Variants in JAKMIP3 observed in about 807,000 individuals in gnomAD.
JAKMIP3 encodes janus kinase and microtubule-interacting protein 3.
A neutral mutation model predicts 118.5 loss-of-function variants in JAKMIP3; 58 were observed. That is an observed-to-expected ratio of 0.49 (90% CI 0.40 to 0.61). The LOEUF (loss-of-function observed/expected upper bound fraction) is 0.61, where lower values mean the gene tolerates loss of function less well. Ranked by LOEUF, JAKMIP3 falls within the 20% of genes least tolerant of loss-of-function variation. JAKMIP3 has a pLI of 0.00. For synonymous variants in JAKMIP3, 486 were observed against 451.2 expected (o/e 1.08, Z -0.98); for missense variants, 950 against 1,109.0 (o/e 0.86, Z 2.04).
chr10:132,057,494 C>T (rs981872734), intron 1 of JAKMIP3, among the ~76,000 whole-genome samples: 1 of 152,310 alleles, frequency 6.6e-6, no homozygotes, highest in Middle Eastern at 3.4e-3. Flanking sequence ...ATGTGGGATG[C>T]TCACAGGACA....
intron 16 of JAKMIP3, among the ~76,000 whole-genome samples, chr10:132,150,872 C>T (rs555315493): frequency 5.3e-5 from 8 of 152,258 alleles, no homozygotes; most frequent in South Asian, 4.1e-4. Flanking sequence ...ATCCATCCTT[C>T]ATCCTTCATC....
rs1288069151 is a variant in JAKMIP3, at chr10:132,172,966, C to CCTCTCT, written c.*1103+3937_*1103+3942dup. Among the ~76,000 whole-genome samples the CCTCTCT allele has an allele frequency of 2.5e-5, 3 of 119,860 alleles. 1 individual carries two copies. The highest frequency in any genetic ancestry group is 7.2e-5 in the African/African-American group (2 of 27,684). 78.6% of individuals were successfully genotyped at this position (119,860 alleles called of 152,430 possible). A position where few individuals can be genotyped will look rare whatever the true frequency, so the allele number is the denominator to read the frequency against. ...CTCTACTTCCTTCTCTCTCTCCTTC[C>CCTCTCT]CTCTCTCTCCTTCCCTCTCTCTCTC... On this transcript the variant is annotated intron_variant, in intron 23 of 23. Transcript: ENST00000684848.
chr10:132,143,543 T>C lies in JAKMIP3; in HGVS notation c.1602+1495T>C, dbSNP rs145168573. Among the ~76,000 whole-genome samples, 681 of 140,050 alleles carry C rather than the reference T, an allele frequency of 4.9e-3. 8 individuals carry two copies. The highest frequency in any genetic ancestry group is 0.016 in the African/African-American group (641 of 40,458). 91.9% of individuals were successfully genotyped at this position (140,050 alleles called of 152,430 possible). ...AGAGAGTAAAAATGTCCAAACTGCA[T>C]GTAAAAAAAAGTTTAATGTCATTTA... On this transcript the variant is annotated intron_variant, in intron 11 of 23. Transcript: ENST00000684848.
intron 1 of JAKMIP3, among the ~76,000 whole-genome samples, chr10:132,104,396 T>C (rs889445282): frequency 1.3e-5 from 2 of 152,200 alleles, no homozygotes; most frequent in Non-Finnish European, 2.9e-5. Context: ...CTCTGATTCC[T>C]AAGAGGGAAA....
intron 3 of JAKMIP3, among the ~76,000 whole-genome samples, chr10:132,129,982 G>A (rs2050270647): frequency 6.6e-6 from 1 of 150,402 alleles, no homozygotes; most frequent in Non-Finnish European, 1.5e-5. Context: ...TCCCATGATT[G>A]AGGGGGACCT....
At chr10:132,145,022 G>C (rs1018914520) in intron 11 of JAKMIP3, 85 bp from the exon 12 acceptor site, 44 of 1,105,886 alleles carry the variant, frequency 4.0e-5, no homozygotes, top group Non-Finnish European at 5.2e-5. Context: ...CCAAAAGACA[G>C]ACCCTTCTGA....
chr10:132,171,134 G>C (rs2059446430), intron 23 of JAKMIP3, among the ~76,000 whole-genome samples: 1 of 152,258 alleles, frequency 6.6e-6, no homozygotes, highest in Non-Finnish European at 1.5e-5. Flanking sequence ...CCTTGGGGGA[G>C]GTTACGGAGC....
At chr10:132,137,624 C>T (rs2052095276) in intron 8 of JAKMIP3, among the ~76,000 whole-genome samples, 1 of 152,244 alleles carries the variant, frequency 6.6e-6, no homozygotes, top group Non-Finnish European at 1.5e-5. Context: ...CTGGCCAGCA[C>T]AGACAGGCAG....
rs577455597 is a variant in JAKMIP3 at position 132,179,690 on chromosome 10, C to T, written c.*1104-2667C>T. 5.3e-5 allele frequency among the ~76,000 whole-genome samples: 8 copies of T among 152,130 alleles called. No homozygotes were observed. The South Asian group carries it at 1.7e-3, about 32-fold the overall frequency. ...GCTAGGATTCACAGGACTCAGCACA[C>T]AGTCACACCACAGCAGGGCCACACC... is the stretch of plus-strand genomic sequence containing the variant. On this transcript the variant is annotated intron_variant, in intron 23 of 23. Transcript: ENST00000684848. This position sits in a 1 kb window ranked among gnomAD's most constrained non-coding sequence, Gnocchi z 4.3.
chr10:132,076,700 C>T lies in JAKMIP3; in HGVS notation c.-138+10639C>T, dbSNP rs902253198. ...CATGAGGACTGGCCTGCGGTGGCCC[C>T]GGGTCTTACCGTGTGAGGACTGGCC... On this transcript the variant is annotated intron_variant, in intron 1 of 23. Transcript: ENST00000684848. Among the ~76,000 whole-genome samples, 11 of 150,558 alleles carry T rather than the reference C, an allele frequency of 7.3e-5. No individual in the cohort carries two copies. In the South Asian group the frequency reaches 8.4e-4, roughly 12 times the overall value.
chr10:132,153,006 C>T lies in JAKMIP3; in HGVS notation c.2056C>T (p.Leu686=), dbSNP rs146195956. 3.7e-6 allele frequency: 6 copies of T among 1,608,596 alleles called. No homozygotes were observed. In the African/African-American group the frequency reaches 8.0e-5, roughly 21 times the overall value. The change falls in exon 17 of 24, where the codon CTG becomes TTG. Residue 686 remains leucine (L), a synonymous_variant. Coordinates refer to ENST00000684848, the MANE Select transcript of JAKMIP3 (RefSeq NM_001323087.2). ...GGTTGTCATACAAGCCAGGACAGTC[C>T]TGACCTTGGCCGAAAAGGTAACAGC... ...QVVVIQARTV[L]TLAEKWLQQI... is the part of the protein sequence containing the mutation.
chr10:132,065,597 G>A (rs1038003221), upstream of JAKMIP3, among the ~76,000 whole-genome samples: 8 of 152,142 alleles, frequency 5.3e-5, no homozygotes, highest in African/African-American at 1.9e-4. The surrounding 1 kb of genome is among the most constrained non-coding windows in gnomAD (Gnocchi z 5.6). Context: ...TGGTTTTCAC[G>A]TGAGACTGCC....
intron 1 of JAKMIP3, among the ~76,000 whole-genome samples, chr10:132,070,661 T>A (rs2039701029): frequency 6.6e-6 from 1 of 152,230 alleles, no homozygotes. Context: ...CCTTGGTACC[T>A]TCCTTTTCAG....
intron 23 of JAKMIP3, among the ~76,000 whole-genome samples, chr10:132,176,578 T>C (rs1397399507): frequency 2.0e-5 from 3 of 152,174 alleles, no homozygotes; most frequent in Non-Finnish European, 2.9e-5. Context: ...CAGACACGTT[T>C]CCACAACGCA....
At chr10:132,175,839 T>C (rs1317886679) in intron 23 of JAKMIP3, among the ~76,000 whole-genome samples, 2 of 152,202 alleles carry the variant, frequency 1.3e-5, no homozygotes, top group East Asian at 1.9e-4. Context: ...TTAAAAGAAA[T>C]GTGTAATGCT....
At chr10:132,180,574 TGTGTGCGTGCGC>T (rs2060787799) in intron 23 of JAKMIP3, among the ~76,000 whole-genome samples, 1 of 42,704 alleles carries the variant, frequency 2.3e-5, no homozygotes, top group African/African-American at 1.2e-4. Flanking sequence ...TGTGCGTGTG[TGTGTGCGTGCGC>T]GTGTGTGTGT....
In JAKMIP3 at chr10:132,117,510, A is replaced by G. The variant is rs1238992289; in HGVS notation, c.569A>G (p.Tyr190Cys). The change falls in exon 3 of 24, where the codon TAC (tyrosine) becomes TGC (cysteine). Residue 190 changes from tyrosine to cysteine, a missense_variant. Physicochemically the swap from Tyr to Cys is radical, Grantham distance 194. Coordinates refer to ENST00000684848, the MANE Select transcript of JAKMIP3 (RefSeq NM_001323087.2). The surrounding 1 kb of genome is among the most constrained non-coding windows in gnomAD (Gnocchi z 8.6). ...AAGGCCGCAGAGATCCGCAGCGTGT[A>G]CCACCTGCACCAGGAGGAGATCACC... ...KIKAAEIRSV[Y>C]HLHQEEITRI... 2 of 1,605,728 alleles carry G rather than the reference A, an allele frequency of 1.2e-6. No homozygotes were observed. The highest frequency in any genetic ancestry group is 2.2e-5 in the East Asian group (1 of 44,640).
rs748242503 is a variant in JAKMIP3 at position 132,153,822 on chromosome 10, G to A, written c.2137G>A (p.Glu713Lys). 3.2e-5 allele frequency: 52 copies of A among 1,612,966 alleles called. No individual in the cohort carries two copies. The highest frequency in any genetic ancestry group is 7.7e-5 in the South Asian group (7 of 91,048). ...GCGGAAGATGGTGGATCTGGAGAGC[G>A]AGAAGGTTGGTGGCACCTTCACCGA... ...LQRKMVDLES[E>K]KELFSKQKGY... Residue 713 changes from glutamate (E) to lysine (K), a missense_variant, in exon 18 of 24, where the codon GAG becomes AAG. Glu to Lys is a moderately conservative substitution (Grantham distance 56). Transcript: ENST00000684848.
chr10:132,144,840 G>A, intron 11 of JAKMIP3: 1 of 394,294 alleles, frequency 2.5e-6, no homozygotes, highest in African/African-American at 2.1e-5. Context: ...GAGGTGGGAG[G>A]ATCACTTGAG....
Sources: gnomAD v4.1 joint callset for allele counts (sites outside exome capture counted in the v4.1 genomes callset) on GRCh38, gnomAD v4.1.1 for gene constraint, Gnocchi (gnomAD v3.1) non-coding constraint, MANE v1.5 for transcripts, NCBI Gene and HGNC (gene_info 2026-07-23, HGNC 2026-07-21) for gene names.